The following ACVR1 variants were observed in gnomAD, a reference collection of about 807,000 sequenced individuals.
ACVR1 encodes activin A receptor type 1.
ACVR1 carries 38 observed loss-of-function variants against 57.1 expected under a neutral mutation model. The ratio of observed to expected loss-of-function variants is 0.67; its 90% CI spans 0.51 to 0.87. The LOEUF is 0.87. Ranked by LOEUF, ACVR1 falls within the 40% of genes least tolerant of loss-of-function variation. ACVR1 has a pLI of 0.00. For synonymous variants in ACVR1, 212 were observed against 228.1 expected, an observed-to-expected ratio of 0.93 and a Z score of 0.63; for missense variants, 463 against 638.2, an observed-to-expected ratio of 0.73 and a Z score of 2.96.
intron 1 of ACVR1, among the ~76,000 whole-genome samples, chr2:157,824,617 G>A (rs969089899): frequency 1.3e-5 from 2 of 152,148 alleles, no homozygotes; most frequent in Non-Finnish European, 2.9e-5. Context: ...AAACAGGAAG[G>A]CTACAGACTA....
At chr2:157,771,229 ATTTG>A (rs1244799663) in intron 6 of ACVR1, among the ~76,000 whole-genome samples, 1 of 152,224 alleles carries the variant, frequency 6.6e-6, no homozygotes, top group African/African-American at 2.4e-5. Flanking sequence ...GGTCATGGGT[ATTTG>A]TTTGTCAGAC....
At position 157,875,813 on chromosome 2, in the gene ACVR1, C is replaced by G. The variant is rs566011712; in HGVS notation, c.-200G>C. On this transcript the variant is annotated 5_prime_UTR_variant, in exon 1 of 11. Transcript: ENST00000434821. ...GCGCTCACCTCGGGTCCCGCCGCGG[C>G]CGGGGGCTGAGCCGGGGGAGGCGGA... 6.6e-6 allele frequency: 1 copy of G among 151,680 alleles called. No homozygotes were observed. Among genetic ancestry groups the G allele is most frequent in the Non-Finnish European group, 1.5e-5 (1 of 67,442 alleles). The allele number at this position is 151,680 out of a possible 1,614,324, so 9.4% of individuals were successfully genotyped here. A position where few individuals can be genotyped will look rare whatever the true frequency, so the allele number is the denominator to read the frequency against.
intron 1 of ACVR1, among the ~76,000 whole-genome samples, chr2:157,834,194 C>T (rs1224265377): frequency 1.3e-5 from 2 of 152,164 alleles, no homozygotes; most frequent in African/African-American, 4.8e-5. Flanking sequence ...CGAATTCAAG[C>T]GATTCTCCTG....
chr2:157,738,805 G>A (rs1043502581), intron 9 of ACVR1, among the ~76,000 whole-genome samples: 4 of 152,198 alleles, frequency 2.6e-5, no homozygotes, highest in East Asian at 1.9e-4. Flanking sequence ...AAGGAAATAC[G>A]TGAAAACTTC....
At chr2:157,829,351 C>A (rs944511310) in intron 1 of ACVR1, among the ~76,000 whole-genome samples, 1 of 152,172 alleles carries the variant, frequency 6.6e-6, no homozygotes, top group African/African-American at 2.4e-5. Flanking sequence ...CTTACAAACC[C>A]CATCGCTGCC....
chr2:157,835,104 C>T (rs751938894), intron 1 of ACVR1, among the ~76,000 whole-genome samples: 11 of 152,146 alleles, frequency 7.2e-5, no homozygotes, highest in Non-Finnish European at 1.3e-4. Flanking sequence ...AAAAATGCAA[C>T]TAAAACCTTT....
intron 7 of ACVR1, among the ~76,000 whole-genome samples, chr2:157,768,571 T>C (rs1317115545): frequency 6.6e-6 from 1 of 152,220 alleles, no homozygotes; most frequent in East Asian, 1.9e-4. Flanking sequence ...ATCTGTCCCA[T>C]TAATTATGCT....
chr2:157,770,836 T>A (rs1220038843), intron 6 of ACVR1, among the ~76,000 whole-genome samples: 3 of 152,194 alleles, frequency 2.0e-5, no homozygotes, highest in Non-Finnish European at 4.4e-5. Flanking sequence ...ATAAAATGCA[T>A]ATGACTTTTA....
Position 157,737,695 on chromosome 2 carries a change from G to A in ACVR1, c.1396-30C>T, listed in dbSNP as rs773899932. 43 of 1,613,878 alleles carry A rather than the reference G, an allele frequency of 2.7e-5. No homozygotes were observed. In the South Asian group the frequency reaches 4.1e-4, roughly 15 times the overall value. ...GGAGAGAAAGAACAAACACCACAAT[G>A]ACAAACTGGCTTTTTAATGGCCCTG... On this transcript the variant is annotated intron_variant, in intron 10 of 10. Transcript: ENST00000434821.
At position 157,811,078 on chromosome 2, in the gene ACVR1, T is replaced by C. The variant is rs569948362; in HGVS notation, c.-8+7307A>G. 2.0e-4 allele frequency among the ~76,000 whole-genome samples: 30 copies of C among 152,316 alleles called. No individual in the cohort carries two copies. The East Asian group carries it at 5.6e-3, about 28-fold the overall frequency. On this transcript the variant is annotated intron_variant, in intron 2 of 10. Coordinates refer to ENST00000434821, the MANE Select transcript of ACVR1 (RefSeq NM_001111067.4). ...AAGGAGGTCTCACTCACTGATTATG[T>C]AGGATGTGGTGTTGTGACCACCTTC...
intron 1 of ACVR1, among the ~76,000 whole-genome samples, chr2:157,835,174 C>T (rs1355013334): frequency 6.6e-6 from 1 of 152,166 alleles, no homozygotes; most frequent in Non-Finnish European, 1.5e-5. Context: ...CCCACCACAT[C>T]CCATGTGTCC....
intron 3 of ACVR1, among the ~76,000 whole-genome samples, chr2:157,789,676 G>C (rs1009618126): frequency 1.3e-5 from 2 of 152,224 alleles, no homozygotes; most frequent in Admixed American, 1.3e-4. Context: ...AAAGGGAACA[G>C]ACAGCTCCTG....
At chr2:157,859,564 T>C (rs1689655045) in intron 1 of ACVR1, among the ~76,000 whole-genome samples, 1 of 152,150 alleles carries the variant, frequency 6.6e-6, no homozygotes, top group Admixed American at 6.5e-5. Context: ...TTGGGACCCC[T>C]TTCCAGTAAC....
intron 10 of ACVR1, 50 bp from the exon 11 acceptor site, chr2:157,737,715 G>T: frequency 6.2e-7 from 1 of 1,612,132 alleles, no homozygotes; most frequent in Non-Finnish European, 8.5e-7. Flanking sequence ...CTTTTTAATG[G>T]CCCTGGAAGC....
chr2:157,806,951 G>C (rs1687571566), intron 2 of ACVR1: 1 of 152,076 alleles, frequency 6.6e-6, no homozygotes. Context: ...ATAGCTTCTT[G>C]GACAAGTCCT....
In ACVR1 at chr2:157,737,474, G is replaced by A; in HGVS notation, c.*57C>T. Reference sequence around the variant, plus strand: ...TGACAACCAGTCAGGCCAGCATTAGGTCCCAGCTGGACAATGACAACAACG... The same window carrying A: ...TGACAACCAGTCAGGCCAGCATTAGATCCCAGCTGGACAATGACAACAACG... On this transcript the variant is annotated 3_prime_UTR_variant, in exon 11 of 11. Transcript: ENST00000434821. 1 of 1,599,962 alleles carries A rather than the reference G, an allele frequency of 6.3e-7. No individual in the cohort carries two copies. The highest frequency in any genetic ancestry group is 8.5e-7 in the Non-Finnish European group (1 of 1,170,428).
chr2:157,861,331 A>G (rs539897001), intron 1 of ACVR1, among the ~76,000 whole-genome samples: 1 of 152,178 alleles, frequency 6.6e-6, no homozygotes, highest in Non-Finnish European at 1.5e-5. Flanking sequence ...TGAAAAGGAG[A>G]TAATATGTGA....
intron 9 of ACVR1, among the ~76,000 whole-genome samples, chr2:157,747,747 T>G (rs1008476162): frequency 5.1e-4 from 77 of 152,238 alleles, no homozygotes; most frequent in African/African-American, 1.8e-3. Flanking sequence ...ATAAACTGAT[T>G]TGTGTGTGGG....
At chr2:157,806,540 C>T (rs1687554118) in intron 2 of ACVR1, among the ~76,000 whole-genome samples, 1 of 152,192 alleles carries the variant, frequency 6.6e-6, no homozygotes, top group Admixed American at 6.5e-5. Context: ...ACATCAACCA[C>T]CACGAAGAGG....
Sources: gnomAD v4.1 joint callset for allele counts (sites outside exome capture counted in the v4.1 genomes callset) on GRCh38, gnomAD v4.1.1 for gene constraint, MANE v1.5 for transcripts, NCBI Gene and HGNC (gene_info 2026-07-23, HGNC 2026-07-21) for gene names.